STARD8: variants seen among roughly 807,000 people sequenced by gnomAD.
STARD8 encodes the protein StAR related lipid transfer domain containing 8.
Under a neutral mutation model 69.4 loss-of-function variants are expected in STARD8, and 25 were observed. The ratio of observed to expected loss-of-function variants is 0.36; its 90% CI spans 0.26 to 0.50. The LOEUF (loss-of-function observed/expected upper bound fraction) is 0.50, where lower values mean the gene tolerates loss of function less well. Among genes scored for constraint, STARD8 ranks in the 20% least tolerant of loss-of-function variants. The pLI is 0.96. For synonymous variants in STARD8, 389 were observed against 374.6 expected (o/e 1.04, Z -0.45); for missense variants, 921 against 932.5 (o/e 0.99, Z 0.16).
chrX:68,651,886 C>T (rs747287492), intron 1 of STARD8, among the ~76,000 whole-genome samples: 14 of 104,130 alleles, frequency 1.3e-4, no homozygotes, highest in Non-Finnish European at 2.6e-4. Context: ...GACCGAGTCT[C>T]GCTCTGTTGC....
chrX:68,675,207 C>T (rs918744770), intron 2 of STARD8, among the ~76,000 whole-genome samples: 4 of 111,029 alleles, frequency 3.6e-5, no homozygotes, highest in South Asian at 3.8e-4. Flanking sequence ...ATCCGCCTGC[C>T]TCGGCCTCCC....
chrX:68,659,662 A>G (rs957867102), intron 1 of STARD8, among the ~76,000 whole-genome samples: 1 of 111,790 alleles, frequency 8.9e-6, no homozygotes, highest in African/African-American at 3.3e-5. Context: ...TTGGGATATT[A>G]CATTCCTGAG....
chrX:68,655,838 A>G (rs1395955850), intron 1 of STARD8, among the ~76,000 whole-genome samples: 1 of 111,906 alleles, frequency 8.9e-6, no homozygotes, highest in Non-Finnish European at 1.9e-5. Flanking sequence ...TCCTCAGTGG[A>G]TAAGACTTAA....
intron 2 of STARD8, among the ~76,000 whole-genome samples, chrX:68,673,283 A>G (rs1026569937): frequency 1.8e-5 from 2 of 112,346 alleles, no homozygotes; most frequent in African/African-American, 6.5e-5. Context: ...ACAGTAATTA[A>G]TTACACAATG....
At chrX:68,722,991 A>G (rs1255842495) in intron 12 of STARD8, among the ~76,000 whole-genome samples, 1 of 112,200 alleles carries the variant, frequency 8.9e-6, no homozygotes, top group African/African-American at 3.2e-5. Context: ...TGCTGCCTGG[A>G]CTGCCCTGAC....
At chrX:68,719,497 C>A in intron 7 of STARD8, 99 bp downstream of exon 7, 7 of 964,561 alleles carry the variant, frequency 7.3e-6, no homozygotes, top group Non-Finnish European at 9.6e-6. Context: ...CAGGCAGGGC[C>A]CACAGGCCAG....
In STARD8 at chrX:68,724,047, C is replaced by T; in HGVS notation, c.3120C>T (p.Leu1040=). The part of the protein sequence containing the change: ...VPESGVRALM[L]TSQYLMEPCG... ...AGTCGGGTGTGCGAGCCCTCATGCT[C>T]ACATCCCAGTACCTCATGGAGCCTT... The change falls in exon 14 of 15, where the codon CTC becomes CTT. Residue 1040 remains leucine, a synonymous_variant. Transcript: ENST00000374599. 1 of 1,212,186 alleles carries T rather than the reference C, an allele frequency of 8.2e-7. No individual in the cohort carries two copies. The highest frequency in any genetic ancestry group is 1.1e-6 in the Non-Finnish European group (1 of 895,609).
intron 2 of STARD8, among the ~76,000 whole-genome samples, chrX:68,700,112 A>G (rs1477879239): frequency 8.9e-6 from 1 of 111,942 alleles, no homozygotes. Flanking sequence ...GGAAATGAGT[A>G]TGAGCCATGC....
At chrX:68,683,234 A>G (rs1040929066) in intron 2 of STARD8, among the ~76,000 whole-genome samples, 6 of 111,287 alleles carry the variant, frequency 5.4e-5, no homozygotes, top group African/African-American at 2.0e-4. Flanking sequence ...GAGAAACTCC[A>G]TGTGGCCTGA....
At position 68,686,022 on chromosome X, in the gene STARD8, G is replaced by T. The variant is rs989917425; in HGVS notation, c.79+20490G>T. Among the ~76,000 whole-genome samples, 3 of 111,983 alleles carry T rather than the reference G, an allele frequency of 2.7e-5. No individual in the cohort carries two copies. In the East Asian group the frequency reaches 8.4e-4, roughly 32 times the overall value. On this transcript the variant is annotated intron_variant, in intron 2 of 14. Coordinates refer to ENST00000374599, the MANE Select transcript of STARD8 (RefSeq NM_001142503.3). Reference sequence around the variant, plus strand: ...ATTTGGGGGCAGACAGGAGGTGGAGGGGCTGACCCCATAACTAGGAAGACA... The same window carrying T: ...ATTTGGGGGCAGACAGGAGGTGGAGTGGCTGACCCCATAACTAGGAAGACA...
At chrX:68,694,773 G>A (rs991898064) in intron 2 of STARD8, among the ~76,000 whole-genome samples, 14 of 111,439 alleles carry the variant, frequency 1.3e-4, no homozygotes, top group African/African-American at 4.6e-4. Flanking sequence ...TGCACACGGA[G>A]AGCTTTGTGG....
chrX:68,652,879 C>CA (rs1351936841), intron 1 of STARD8, among the ~76,000 whole-genome samples: 25 of 1,074 alleles, frequency 0.023, 1 homozygote, highest in African/African-American at 0.073. Flanking sequence ...ACACCCACAC[C>CA]CCACACACAC....
rs765565888 is a variant in STARD8 at position 68,717,679 on chromosome X, A to G, written c.765A>G (p.Gly255=). 9.9e-6 allele frequency: 12 copies of G among 1,210,443 alleles called. No homozygotes were observed. Among genetic ancestry groups the G allele is most frequent in the Non-Finnish European group, 1.2e-5 (11 of 895,314 alleles). The change falls in exon 6 of 15, where the codon GGA becomes GGG. Residue 255 remains glycine (G), a synonymous_variant. Coordinates refer to ENST00000374599, the MANE Select transcript of STARD8 (RefSeq NM_001142503.3). ...FRSCRGFLSA[G]FYRAKNWAAT... is the part of the protein sequence containing the mutation. ...GTTGTCGTGGCTTCCTCTCAGCTGGATTTTACAGGGCCAAGAACTGGGCCG... is the reference window on the plus strand; with the variant it reads ...GTTGTCGTGGCTTCCTCTCAGCTGGGTTTTACAGGGCCAAGAACTGGGCCG...
chrX:68,708,344 C>T (rs1237569521), intron 2 of STARD8, among the ~76,000 whole-genome samples: 1 of 112,528 alleles, frequency 8.9e-6, no homozygotes, highest in Non-Finnish European at 1.9e-5. Context: ...ATGTTGCTGC[C>T]TCTTTCCTGG....
rs1487049772 is a variant in STARD8 at position 68,717,778 on chromosome X, T to C, written c.864T>C (p.His288=). The C allele has an allele frequency of 8.3e-7, 1 of 1,211,920 alleles. No individual in the cohort carries two copies. The highest frequency in any genetic ancestry group is 2.2e-5 in the Admixed American group (1 of 46,118). ...WEAWPVASFR[H]PQWTHRGDCL... Reference sequence around the variant, plus strand: ...CCTGGCCTGTGGCCTCGTTCCGGCATCCTCAGTGGACACACCGGGGTGATT... The same window carrying C: ...CCTGGCCTGTGGCCTCGTTCCGGCACCCTCAGTGGACACACCGGGGTGATT... Residue 288 remains histidine (H), a synonymous_variant, in exon 6 of 15, where the codon CAT becomes CAC. Transcript: ENST00000374599.
chrX:68,656,567 T>C (rs906813515), intron 1 of STARD8: 9 of 112,145 alleles, frequency 8.0e-5, no homozygotes, highest in African/African-American at 2.6e-4. Context: ...ATATGTTTAT[T>C]GTGGCACTAT....
intron 1 of STARD8, among the ~76,000 whole-genome samples, chrX:68,648,472 A>G (rs1351968294): frequency 9.0e-6 from 1 of 111,481 alleles, no homozygotes; most frequent in African/African-American, 3.3e-5. Flanking sequence ...ACACAAAGAC[A>G]AAAAAGGGCT....
chrX:68,696,419 C>G (rs2079920093), intron 2 of STARD8, among the ~76,000 whole-genome samples: 1 of 112,244 alleles, frequency 8.9e-6, no homozygotes. Context: ...AGCCTGGGCC[C>G]TTGTCACAAG....
intron 2 of STARD8, among the ~76,000 whole-genome samples, chrX:68,681,573 A>C (rs2147893539): frequency 8.9e-6 from 1 of 112,323 alleles, no homozygotes; most frequent in South Asian, 3.7e-4. Context: ...AAAGCAACAA[A>C]CCCCAACTCC....
Sources: gnomAD v4.1 joint callset for allele counts (sites outside exome capture counted in the v4.1 genomes callset) on GRCh38, gnomAD v4.1.1 for gene constraint, MANE v1.5 for transcripts, NCBI Gene and HGNC (gene_info 2026-07-23, HGNC 2026-07-21) for gene names.